Variants in MTHFD1L observed in about 807,000 individuals in gnomAD.
The protein encoded by MTHFD1L is monofunctional C1-tetrahydrofolate synthase, mitochondrial.
A neutral mutation model predicts 119.5 loss-of-function variants in MTHFD1L; 81 were observed. The observed-to-expected ratio is 0.68, with a 90% CI of 0.57 to 0.82. The LOEUF (loss-of-function observed/expected upper bound fraction) is 0.82, where lower values mean the gene tolerates loss of function less well. Ranked by LOEUF, MTHFD1L falls within the 40% of genes least tolerant of loss-of-function variation. The pLI is 0.00. For missense variants in MTHFD1L, 1,125 were observed against 1,253.4 expected (o/e 0.90, Z 1.55); for synonymous variants, 430 against 475.2 (o/e 0.90, Z 1.24).
At chr6:150,896,797 T>G (rs1459866344) in intron 7 of MTHFD1L, among the ~76,000 whole-genome samples, 3 of 152,022 alleles carry the variant, frequency 2.0e-5, no homozygotes, top group African/African-American at 7.2e-5. Flanking sequence ...ATATTCAAAC[T>G]AATGGGCATG....
chr6:151,065,738 C>G (rs1400028964), intron 26 of MTHFD1L, among the ~76,000 whole-genome samples: 1 of 152,240 alleles, frequency 6.6e-6, no homozygotes, highest in African/African-American at 2.4e-5. Context: ...TGTGCCCAGC[C>G]AGGGTGTGGC....
chr6:150,981,037 T>G (rs1226494200), intron 20 of MTHFD1L, among the ~76,000 whole-genome samples: 1 of 152,172 alleles, frequency 6.6e-6, no homozygotes, highest in Non-Finnish European at 1.5e-5. Context: ...TAATGAGTAT[T>G]TATGTCCTTA....
intron 24 of MTHFD1L, among the ~76,000 whole-genome samples, chr6:151,031,887 T>C (rs1785384395): frequency 6.6e-6 from 1 of 152,178 alleles, no homozygotes; most frequent in African/African-American, 2.4e-5. Context: ...GGAATATAAT[T>C]TTATTTCTCT....
intron 20 of MTHFD1L, among the ~76,000 whole-genome samples, chr6:150,991,809 GA>G (rs1242017006): frequency 6.6e-6 from 1 of 152,190 alleles, no homozygotes; most frequent in Non-Finnish European, 1.5e-5. Context: ...TGCCAGTGAG[GA>G]GAAATTGACA....
At position 151,089,607 on chromosome 6, in the gene MTHFD1L, A is replaced by G. The variant is rs544331871; in HGVS notation, c.2848-2860A>G. On this transcript the variant is annotated intron_variant, in intron 26 of 27. Transcript: ENST00000367321. Reference sequence around the variant, plus strand: ...GAGAGTGAGACTCTGTCTCAAAAACAAAAACCTCCTATAAATGCCATAAGA... The same window carrying G: ...GAGAGTGAGACTCTGTCTCAAAAACGAAAACCTCCTATAAATGCCATAAGA... Among the ~76,000 whole-genome samples, 3 of 152,354 alleles carry G rather than the reference A, an allele frequency of 2.0e-5. No individual in the cohort carries two copies. The East Asian group carries it at 5.8e-4, about 29-fold the overall frequency.
chr6:150,972,726 A>T (rs547495719), intron 20 of MTHFD1L, among the ~76,000 whole-genome samples: 53 of 152,342 alleles, frequency 3.5e-4, no homozygotes, highest in Non-Finnish European at 6.6e-4. Flanking sequence ...TACTACCCTT[A>T]CTATGTAGTA....
At chr6:151,067,103 C>T (rs1460876053) in intron 26 of MTHFD1L, among the ~76,000 whole-genome samples, 1 of 150,888 alleles carries the variant, frequency 6.6e-6, no homozygotes, top group African/African-American at 2.4e-5. Context: ...AAGGGATTCT[C>T]CTGCCTCAGC....
intron 21 of MTHFD1L, among the ~76,000 whole-genome samples, chr6:151,010,414 G>A (rs145215981): frequency 1.1e-4 from 16 of 152,096 alleles, no homozygotes; most frequent in African/African-American, 2.9e-4. Context: ...ATAGTTTTTC[G>A]GTTCACTGAT....
intron 7 of MTHFD1L, among the ~76,000 whole-genome samples, chr6:150,895,613 G>GTTTTTTTTTTTTT (rs10630027): frequency 7.4e-6 from 1 of 134,464 alleles, no homozygotes. Flanking sequence ...GTTTTTTGTG[G>GTTTTTTTTTTTTT]TTTTTTTTTT....
At chr6:151,057,510 T>A in intron 26 of MTHFD1L, 2 of 204,906 alleles carry the variant, frequency 9.8e-6, no homozygotes, top group Non-Finnish European at 1.7e-5. Flanking sequence ...TGTGCACCTG[T>A]AGTCCCAGCT....
intron 12 of MTHFD1L, 144 bp downstream of exon 12, chr6:150,937,084 C>G: frequency 9.6e-7 from 1 of 1,045,848 alleles, no homozygotes; most frequent in Non-Finnish European, 1.3e-6. Context: ...ACATAGTGGT[C>G]GCCCCATGTT....
chr6:151,074,833 A>T (rs146337446), intron 26 of MTHFD1L, among the ~76,000 whole-genome samples: 1 of 152,202 alleles, frequency 6.6e-6, no homozygotes, highest in Non-Finnish European at 1.5e-5. Flanking sequence ...AGGCTATACC[A>T]TCTAGGTTTG....
chr6:151,033,384 T>C (rs1417099453), intron 24 of MTHFD1L, among the ~76,000 whole-genome samples: 2 of 152,172 alleles, frequency 1.3e-5, no homozygotes, highest in Admixed American at 6.6e-5. Flanking sequence ...CCTCCCAAAG[T>C]GCTGGGATTA....
intron 26 of MTHFD1L, among the ~76,000 whole-genome samples, chr6:151,071,370 G>A (rs1053501342): frequency 5.3e-5 from 8 of 152,152 alleles, no homozygotes; most frequent in African/African-American, 1.9e-4. Context: ...CTTTTAAAAT[G>A]AGGCTTTATT....
intron 13 of MTHFD1L, 65 bp downstream of exon 13, chr6:150,938,810 T>C: frequency 2.3e-5 from 35 of 1,540,890 alleles, no homozygotes; most frequent in Non-Finnish European, 3.1e-5. Context: ...TTGTCTCTGC[T>C]CCCATCCACA....
intron 15 of MTHFD1L, among the ~76,000 whole-genome samples, chr6:150,947,892 G>A (rs374339359): frequency 1.3e-5 from 2 of 152,096 alleles, no homozygotes; most frequent in East Asian, 1.9e-4. Context: ...AGTCTATTAC[G>A]AACTCACAGT....
At chr6:150,893,627 A>AAG (rs1338145977) in intron 7 of MTHFD1L, among the ~76,000 whole-genome samples, 2 of 152,172 alleles carry the variant, frequency 1.3e-5, no homozygotes, top group African/African-American at 4.8e-5. Context: ...GAGATTTCCA[A>AAG]AGCTGAGGGT....
intron 26 of MTHFD1L, among the ~76,000 whole-genome samples, chr6:151,043,101 G>A (rs1787381810): frequency 2.0e-5 from 3 of 152,032 alleles, no homozygotes; most frequent in Admixed American, 2.0e-4. Context: ...TATTCAGTAT[G>A]ATTTGTCTAG....
chr6:151,056,772 C>A (rs923474725), intron 26 of MTHFD1L, among the ~76,000 whole-genome samples: 4 of 152,182 alleles, frequency 2.6e-5, no homozygotes, highest in African/African-American at 7.2e-5. Context: ...TGTAGACTTA[C>A]AGCTCCAGTT....
Sources: allele counts gnomAD v4.1 joint callset (sites outside exome capture counted in the v4.1 genomes callset), GRCh38; gene constraint gnomAD v4.1.1; transcripts MANE v1.5; gene names NCBI Gene and HGNC (gene_info 2026-07-23, HGNC 2026-07-21).